The following MAP7 variants were observed in gnomAD, a reference collection of about 807,000 sequenced individuals.
MAP7 encodes the protein ensconsin.
In MAP7, 52 loss-of-function variants were observed where a neutral mutation model predicts 94.8. The ratio of observed to expected loss-of-function variants is 0.55; its 90% CI spans 0.44 to 0.69. The LOEUF (loss-of-function observed/expected upper bound fraction) is 0.69, where lower values mean the gene tolerates loss of function less well. MAP7 is among the 30% of genes least tolerant of loss of function. The pLI, the probability that MAP7 is intolerant of heterozygous loss-of-function variation, is 0.00. For synonymous variants in MAP7, 350 were observed against 357.0 expected (o/e 0.98, Z 0.22); for missense variants, 940 against 964.6 (o/e 0.97, Z 0.34).
chr6:136,465,183 T>A (rs1271906845), intron 1 of MAP7, among the ~76,000 whole-genome samples: 1 of 152,240 alleles, frequency 6.6e-6, no homozygotes, highest in African/African-American at 2.4e-5. Flanking sequence ...CTGTGTTATC[T>A]ACTTTTGCAG....
intron 1 of MAP7, among the ~76,000 whole-genome samples, chr6:136,459,802 G>A (rs1337166357): frequency 6.6e-6 from 1 of 152,142 alleles, no homozygotes; most frequent in Non-Finnish European, 1.5e-5. Flanking sequence ...TATGCAAGAT[G>A]AGTAAGTTCT....
intron 1 of MAP7, among the ~76,000 whole-genome samples, chr6:136,482,041 C>T (rs1812995859): frequency 6.6e-6 from 1 of 152,122 alleles, no homozygotes; most frequent in South Asian, 2.1e-4. Flanking sequence ...GAAAGATTTA[C>T]ATTAGACAAA....
At chr6:136,356,839 T>C (rs570702137) in intron 15 of MAP7, 45 bp from the exon 16 acceptor site, 1 of 1,494,142 alleles carries the variant, frequency 6.7e-7, no homozygotes, top group African/African-American at 1.4e-5. Flanking sequence ...CTAATATTCT[T>C]TTCTTAGACC....
At chr6:136,504,871 G>C (rs1455044853) in intron 1 of MAP7, among the ~76,000 whole-genome samples, 2 of 151,674 alleles carry the variant, frequency 1.3e-5, no homozygotes, top group African/African-American at 4.8e-5. Flanking sequence ...GAAGAGATGA[G>C]GTTTTGCCAT....
In MAP7 at chr6:136,365,962, A is replaced by AAGG. The variant is rs1212255740; in HGVS notation, c.1043_1045dup (p.Ser348dup). On this transcript the variant is annotated inframe_insertion, in exon 10 of 18. Coordinates refer to ENST00000354570, the MANE Select transcript of MAP7 (RefSeq NM_003980.6). ...AGCAGCTTTGACTGAGCCGGGTGGCAAGGAGGATGTCGGTCTGGGTGTGCC... is the reference window on the plus strand; with the variant it reads ...AGCAGCTTTGACTGAGCCGGGTGGCAAGGAGGAGGATGTCGGTCTGGGTGTGCC... 1 of 1,613,770 alleles carries AAGG rather than the reference A, an allele frequency of 6.2e-7. No homozygotes were observed. The highest frequency in any genetic ancestry group is 1.3e-5 in the African/African-American group (1 of 75,026).
intron 3 of MAP7, 56 bp downstream of exon 3, chr6:136,411,564 C>CG: frequency 7.0e-7 from 1 of 1,428,938 alleles, no homozygotes; most frequent in Non-Finnish European, 9.5e-7. Flanking sequence ...CAAAAGACCA[C>CG]GGTATTATAG....
At chr6:136,476,165 T>C (rs1009120300) in intron 1 of MAP7, 2 of 152,196 alleles carry the variant, frequency 1.3e-5, no homozygotes, top group African/African-American at 4.8e-5. Flanking sequence ...TCCCACACAG[T>C]GCCCTTGTCT....
intron 8 of MAP7, among the ~76,000 whole-genome samples, chr6:136,369,540 T>G (rs1280658172): frequency 6.6e-6 from 1 of 150,422 alleles, no homozygotes; most frequent in East Asian, 2.0e-4. Flanking sequence ...GCCATTGTAC[T>G]CCAGCATGGG....
Position 136,342,743 on chromosome 6 carries a change from G to A in MAP7, c.*1485C>T, listed in dbSNP as rs1267316554. On this transcript the variant is annotated 3_prime_UTR_variant, in exon 18 of 18. Transcript: ENST00000354570. ...ATGAGAAAGCTAAAAGTAAAACTAT[G>A]TCAAACATTTTATTTGGTGTTTCAT... is the stretch of plus-strand genomic sequence containing the variant. 2.0e-5 allele frequency: 3 copies of A among 152,146 alleles called. No individual in the cohort carries two copies. Among genetic ancestry groups the A allele is most frequent in the Non-Finnish European group, 4.4e-5 (3 of 68,016 alleles). 9.4% of individuals were successfully genotyped at this position (152,146 alleles called of 1,614,324 possible). A position where few individuals can be genotyped will look rare whatever the true frequency, so the allele number is the denominator to read the frequency against.
At chr6:136,485,555 ATTTTTTTTTTT>A (rs747333121) in intron 1 of MAP7, among the ~76,000 whole-genome samples, 2 of 98,158 alleles carry the variant, frequency 2.0e-5, no homozygotes, top group Admixed American at 2.5e-4. Context: ...TCCACTTCAG[ATTTTTTTTTTT>A]TTTTTTTTTT....
intron 5 of MAP7, among the ~76,000 whole-genome samples, chr6:136,387,282 T>A (rs183329498): frequency 9.2e-5 from 14 of 152,296 alleles, no homozygotes; most frequent in African/African-American, 3.4e-4. Context: ...AGTACTTTGA[T>A]CCCAGGTAAT....
chr6:136,448,463 G>A (rs1420257835), intron 1 of MAP7, among the ~76,000 whole-genome samples: 1 of 150,596 alleles, frequency 6.6e-6, no homozygotes, highest in East Asian at 2.0e-4. Flanking sequence ...CGTCCAGGCT[G>A]GAGTGCAGTG....
intron 1 of MAP7, among the ~76,000 whole-genome samples, chr6:136,495,066 T>G (rs890140956): frequency 6.6e-6 from 1 of 152,192 alleles, no homozygotes. Context: ...GAAGCTCTAC[T>G]TGGCCTCTGG....
intron 2 of MAP7, chr6:136,420,272 G>A: frequency 1.1e-6 from 1 of 897,840 alleles, no homozygotes; most frequent in Non-Finnish European, 1.8e-6. Flanking sequence ...TCGCAGAAGA[G>A]CCGGCCATGC....
intron 1 of MAP7, among the ~76,000 whole-genome samples, chr6:136,488,654 A>G (rs1815563658): frequency 2.6e-5 from 4 of 152,048 alleles, no homozygotes; most frequent in Admixed American, 2.6e-4. Context: ...CATGTTGGCC[A>G]GGATGGTCTT....
intron 1 of MAP7, among the ~76,000 whole-genome samples, chr6:136,454,401 G>C (rs1802182985): frequency 6.6e-6 from 1 of 151,776 alleles, no homozygotes; most frequent in African/African-American, 2.4e-5. Flanking sequence ...TGACCGCCTG[G>C]GCTCAAGCGA....
chr6:136,541,365 G>A (rs1257570241), intron 1 of MAP7, among the ~76,000 whole-genome samples: 2 of 152,148 alleles, frequency 1.3e-5, no homozygotes, highest in Non-Finnish European at 2.9e-5. Flanking sequence ...GGGGAAATGA[G>A]TTTTATACTC....
At position 136,414,861 on chromosome 6, in the gene MAP7, C is replaced by T. The variant is rs183745792; in HGVS notation, c.167-3164G>A. Among the ~76,000 whole-genome samples the T allele has an allele frequency of 4.3e-4, 64 of 149,784 alleles. 1 individual carries two copies. Among genetic ancestry groups the T allele is most frequent in the Admixed American group, 6.7e-4 (10 of 14,940 alleles). On this transcript the variant is annotated intron_variant, in intron 2 of 17. Transcript: ENST00000354570. ...AGTTTCCTTGCTCTTGCTGCCCAGGCTGGAGTGCAGTGGCGTGATCTCAGC... is the reference window on the plus strand; with the variant it reads ...AGTTTCCTTGCTCTTGCTGCCCAGGTTGGAGTGCAGTGGCGTGATCTCAGC...
intron 4 of MAP7, 25 bp from the exon 5 acceptor site, chr6:136,388,535 G>C (rs1779804223): frequency 1.3e-6 from 2 of 1,574,082 alleles, no homozygotes; most frequent in South Asian, 1.1e-5. Flanking sequence ...AAGAGCTGAG[G>C]ATTAGATTCC....
Sources: gnomAD v4.1 joint callset for allele counts (sites outside exome capture counted in the v4.1 genomes callset) on GRCh38, gnomAD v4.1.1 for gene constraint, MANE v1.5 for transcripts, NCBI Gene and HGNC (gene_info 2026-07-23, HGNC 2026-07-21) for gene names.